EVI5: variants seen among roughly 807,000 people sequenced by gnomAD.
EVI5 encodes ecotropic viral integration site 5 protein homolog.
In EVI5, 73 loss-of-function variants were observed where a neutral mutation model predicts 112.0. The observed-to-expected ratio is 0.65, with a 90% CI of 0.54 to 0.79. EVI5 has a LOEUF of 0.79. Ranked by LOEUF, EVI5 falls within the 30% of genes least tolerant of loss-of-function variation. The pLI is 0.00. For synonymous variants in EVI5, 305 were observed against 319.9 expected, an observed-to-expected ratio of 0.95 and a Z score of 0.50; for missense variants, 900 against 968.8, an observed-to-expected ratio of 0.93 and a Z score of 0.94.
intron 19 of EVI5, among the ~76,000 whole-genome samples, chr1:92,548,724 C>T (rs1666245872): frequency 6.6e-6 from 1 of 152,202 alleles, no homozygotes; most frequent in African/African-American, 2.4e-5. Flanking sequence ...AGAGCCAAAT[C>T]ATGAGTGAAC....
At chr1:92,701,205 A>C (rs1671100968) in intron 5 of EVI5, among the ~76,000 whole-genome samples, 1 of 152,234 alleles carries the variant, frequency 6.6e-6, no homozygotes, top group South Asian at 2.1e-4. Context: ...GAAGCAAAGC[A>C]TCAGGAAACG....
chr1:92,700,573 A>T (rs1345592884), intron 5 of EVI5, among the ~76,000 whole-genome samples: 1 of 152,292 alleles, frequency 6.6e-6, no homozygotes, highest in East Asian at 1.9e-4. Context: ...TATTGAAGTT[A>T]ATATCTCTAC....
At chr1:92,619,131 C>T (rs1399976647) in intron 16 of EVI5, among the ~76,000 whole-genome samples, 1 of 152,008 alleles carries the variant, frequency 6.6e-6, no homozygotes, top group Admixed American at 6.6e-5. Context: ...AGTACTGATC[C>T]CGGATGTGTC....
At chr1:92,632,446 C>T (rs189016808) in intron 14 of EVI5, among the ~76,000 whole-genome samples, 16 of 152,224 alleles carry the variant, frequency 1.1e-4, no homozygotes, top group African/African-American at 3.9e-4. Flanking sequence ...CCATTACTTC[C>T]AGATTTTCTA....
At chr1:92,755,164 T>G (rs746977338) in intron 1 of EVI5, among the ~76,000 whole-genome samples, 6 of 148,778 alleles carry the variant, frequency 4.0e-5, no homozygotes, top group Non-Finnish European at 5.9e-5. Context: ...ATCCTAGCAC[T>G]TTGAGAGGCT....
intron 19 of EVI5, among the ~76,000 whole-genome samples, chr1:92,544,516 C>G (rs985670387): frequency 1.3e-5 from 2 of 152,026 alleles, no homozygotes; most frequent in Non-Finnish European, 2.9e-5. Context: ...GTTTTTTCCT[C>G]AACAGAAAAG....
intron 9 of EVI5, among the ~76,000 whole-genome samples, chr1:92,685,155 G>C (rs1182344610): frequency 6.6e-6 from 1 of 152,020 alleles, no homozygotes; most frequent in African/African-American, 2.4e-5. Flanking sequence ...ATAGTTGGAA[G>C]TAAAGCACTC....
At chr1:92,665,514 G>C (rs572072894) in intron 11 of EVI5, among the ~76,000 whole-genome samples, 17 of 152,222 alleles carry the variant, frequency 1.1e-4, no homozygotes, top group African/African-American at 3.9e-4. Context: ...TTTATATAAG[G>C]AATCAGTCAC....
intron 18 of EVI5, among the ~76,000 whole-genome samples, chr1:92,593,142 C>T (rs1674282805): frequency 6.6e-6 from 1 of 152,160 alleles, no homozygotes; most frequent in Non-Finnish European, 1.5e-5. Flanking sequence ...GACCAATGTC[C>T]CTGATGAACA....
intron 13 of EVI5, among the ~76,000 whole-genome samples, chr1:92,653,520 G>A (rs541581945): frequency 5.3e-5 from 8 of 152,326 alleles, no homozygotes; most frequent in Admixed American, 4.6e-4. Flanking sequence ...CTCAGACCCA[G>A]GCATGGAGAT....
chr1:92,571,348 G>A (rs4847280), intron 18 of EVI5, among the ~76,000 whole-genome samples: 139,565 of 151,480 alleles, frequency 0.92, 64,379 homozygotes, highest in East Asian at 0.97. Flanking sequence ...CCAGTGTGAC[G>A]GACCAGTTAG....
chr1:92,643,142 TA>T (rs1442998270), intron 13 of EVI5, among the ~76,000 whole-genome samples: 1 of 152,174 alleles, frequency 6.6e-6, no homozygotes, highest in African/African-American at 2.4e-5. Context: ...GGAGGATTTC[TA>T]CATCTAGGGG....
chr1:92,640,644 A>G (rs1659765288), intron 13 of EVI5, among the ~76,000 whole-genome samples: 1 of 152,234 alleles, frequency 6.6e-6, no homozygotes. Flanking sequence ...GAATGCTTTT[A>G]TAGTGTTCAT....
Position 92,574,771 on chromosome 1 carries a change from T to C in EVI5, c.2071-11034A>G, listed in dbSNP as rs892292663. ...CAGAGTGGGGGAACATTTTAAAACA[T>C]ACAATAAACTGTTTATAAATAAATC... On this transcript the variant is annotated intron_variant, in intron 18 of 19. Coordinates refer to ENST00000684568, the MANE Select transcript of EVI5 (RefSeq NM_001350197.2). Among the ~76,000 whole-genome samples, 6 of 152,280 alleles carry C rather than the reference T, an allele frequency of 3.9e-5. No individual in the cohort carries two copies. The South Asian group carries it at 8.3e-4, about 21-fold the overall frequency.
chr1:92,557,585 C>T (rs191346881), intron 19 of EVI5, among the ~76,000 whole-genome samples: 311 of 152,190 alleles, frequency 2.0e-3, no homozygotes, highest in Non-Finnish European at 4.0e-3. Flanking sequence ...AGGCATGAGC[C>T]ACCATGAAGG....
In EVI5 at chr1:92,647,762, T is replaced by C. The variant is rs1661242464; in HGVS notation, c.1393-11426A>G. 1.7e-5 allele frequency: 3 copies of C among 171,430 alleles called. No homozygotes were observed. In the South Asian group the frequency reaches 4.3e-4, roughly 24 times the overall value. 10.6% of individuals were successfully genotyped at this position (171,430 alleles called of 1,614,324 possible). On this transcript the variant is annotated intron_variant, in intron 13 of 19. Coordinates refer to ENST00000684568, the MANE Select transcript of EVI5 (RefSeq NM_001350197.2). ...ACATTTTTTGAGGGGGTGGGGGGTA[T>C]AGAATTTCTCCCTGTCGCCCAGGCT...
intron 1 of EVI5, among the ~76,000 whole-genome samples, chr1:92,763,956 G>A (rs1170653784): frequency 6.6e-6 from 1 of 152,052 alleles, no homozygotes; most frequent in Non-Finnish European, 1.5e-5. Context: ...CTGTATCAGA[G>A]GCAAATGGAA....
chr1:92,615,363 G>C (rs1652892139), intron 16 of EVI5, among the ~76,000 whole-genome samples: 1 of 152,148 alleles, frequency 6.6e-6, no homozygotes, highest in Non-Finnish European at 1.5e-5. Flanking sequence ...AGATTGCCCT[G>C]AATGAGAGTA....
At chr1:92,569,744 C>G (rs1399034699) in intron 18 of EVI5, among the ~76,000 whole-genome samples, 2 of 150,400 alleles carry the variant, frequency 1.3e-5, no homozygotes, top group East Asian at 3.9e-4. Flanking sequence ...ATCCCAGCTA[C>G]TCAGGAGGTT....
Sources: allele counts gnomAD v4.1 joint callset (sites outside exome capture counted in the v4.1 genomes callset), GRCh38; gene constraint gnomAD v4.1.1; transcripts MANE v1.5; gene names NCBI Gene and HGNC (gene_info 2026-07-23, HGNC 2026-07-21).